Variants in STXBP6 observed in about 807,000 individuals in gnomAD.
STXBP6 encodes syntaxin binding protein 6, also known as syntaxin-binding protein 6.
A neutral mutation model predicts 26.9 loss-of-function variants in STXBP6; 21 were observed. That is an observed-to-expected ratio of 0.78 (90% CI 0.55 to 1.12). STXBP6 has a LOEUF of 1.12. STXBP6 is among the 50% of genes most tolerant of loss of function. The probability of loss-of-function intolerance (pLI) is 0.00; values close to 1 mark genes in which losing one functional copy is unlikely to be tolerated. For synonymous variants in STXBP6, 97 were observed against 92.6 expected (o/e 1.05, Z -0.27); for missense variants, 232 against 257.9 (o/e 0.90, Z 0.69).
At chr14:24,947,963 G>A (rs1279149453) in intron 2 of STXBP6, among the ~76,000 whole-genome samples, 1 of 152,158 alleles carries the variant, frequency 6.6e-6, no homozygotes, top group African/African-American at 2.4e-5. Flanking sequence ...ACTAGTGACT[G>A]ACAGTTTCTC....
intron 1 of STXBP6, among the ~76,000 whole-genome samples, chr14:25,034,874 G>T (rs202161813): frequency 6.6e-6 from 1 of 152,096 alleles, no homozygotes; most frequent in Non-Finnish European, 1.5e-5. Context: ...TTCTTGGCCG[G>T]GTGTGGTGGC....
At chr14:24,974,606 G>T (rs772004357) in intron 2 of STXBP6, 59 bp downstream of exon 2, 1 of 1,448,772 alleles carries the variant, frequency 6.9e-7, no homozygotes, top group Non-Finnish European at 9.3e-7. Flanking sequence ...GGATACCTCA[G>T]AATGAACTGT....
chr14:24,874,172 T>C (rs566453454), intron 2 of STXBP6, among the ~76,000 whole-genome samples: 58 of 152,290 alleles, frequency 3.8e-4, no homozygotes, highest in Admixed American at 8.5e-4. Flanking sequence ...TCCCTCTCTC[T>C]TCCTTTTGAG....
intron 2 of STXBP6, among the ~76,000 whole-genome samples, chr14:24,884,514 C>T (rs2139460668): frequency 1.3e-5 from 2 of 152,070 alleles, no homozygotes; most frequent in Admixed American, 1.3e-4. Context: ...AAGCAATAAA[C>T]AAACAAACAA....
intron 2 of STXBP6, among the ~76,000 whole-genome samples, chr14:24,920,364 A>G (rs2071935999): frequency 6.6e-6 from 1 of 152,064 alleles, no homozygotes; most frequent in Non-Finnish European, 1.5e-5. Flanking sequence ...ACAGTTTAAA[A>G]TATTTACTCA....
rs577313917 is a variant in STXBP6 at position 25,049,668 on chromosome 14, C to G, written c.-33+210G>C. 1 of 985,780 alleles carries G rather than the reference C, an allele frequency of 1.0e-6. No individual in the cohort carries two copies. The highest frequency in any genetic ancestry group is 4.7e-5 in the South Asian group (1 of 21,286). The allele number at this position is 985,780 out of a possible 1,614,324, so 61.1% of individuals were successfully genotyped here. A position where few individuals can be genotyped will look rare whatever the true frequency, so the allele number is the denominator to read the frequency against. On this transcript the variant is annotated intron_variant, in intron 1 of 5. Transcript: ENST00000323944. This position sits in a 1 kb window ranked among gnomAD's most constrained non-coding sequence, Gnocchi z 5.6. ...AGGGACACGAGTCCCTCTCTGCGCG[C>G]ACAAAGCAGCTGCGCCGGGGCGCGC...
chr14:24,907,185 G>A lies in STXBP6; in HGVS notation c.155-50028C>T, dbSNP rs76763769. Among the ~76,000 whole-genome samples the A allele has an allele frequency of 5.0e-3, 754 of 152,098 alleles. 9 individuals carry two copies. Among genetic ancestry groups the A allele is most frequent in the African/African-American group, 0.017 (716 of 41,498 alleles). On this transcript the variant is annotated intron_variant, in intron 2 of 5. Coordinates refer to ENST00000323944, the MANE Select transcript of STXBP6 (RefSeq NM_001394410.1). ...AAAAAATTTGTGATGTTCTCAACAC[G>A]AATAATAAATGCTGGAGGTGATGCA... is the stretch of plus-strand genomic sequence containing the variant.
chr14:24,944,185 C>T lies in STXBP6; in HGVS notation c.154+30480G>A, dbSNP rs187765345. Among the ~76,000 whole-genome samples the T allele has an allele frequency of 7.9e-5, 12 of 152,202 alleles. No homozygotes were observed. In the East Asian group the frequency reaches 1.5e-3, roughly 20 times the overall value. On this transcript the variant is annotated intron_variant, in intron 2 of 5. Coordinates refer to ENST00000323944, the MANE Select transcript of STXBP6 (RefSeq NM_001394410.1). ...CAATTCATTTTATCACATTCAAAGA[C>T]GGAGAAACAGTAAAGCTCGGAGGAA...
chr14:24,930,112 C>G (rs547973689), intron 2 of STXBP6, among the ~76,000 whole-genome samples: 1 of 152,196 alleles, frequency 6.6e-6, no homozygotes, highest in Non-Finnish European at 1.5e-5. Flanking sequence ...TAGCTTGCAA[C>G]GAATCCACTT....
At chr14:24,812,788 A>G in intron 5 of STXBP6, 56 bp from the exon 6 acceptor site, 1 of 1,558,238 alleles carries the variant, frequency 6.4e-7, no homozygotes. Context: ...ATTAGCAGAG[A>G]GATTTCACTG....
chr14:24,837,733 A>T (rs1169116704), intron 4 of STXBP6, among the ~76,000 whole-genome samples: 1 of 152,260 alleles, frequency 6.6e-6, no homozygotes, highest in African/African-American at 2.4e-5. Flanking sequence ...AATAGGGCAT[A>T]TAATACTACT....
At chr14:24,830,129 G>GA (rs1244160087) in intron 4 of STXBP6, among the ~76,000 whole-genome samples, 1 of 152,056 alleles carries the variant, frequency 6.6e-6, no homozygotes, top group Non-Finnish European at 1.5e-5. Context: ...ATAGAAGGGG[G>GA]AAAGTGGCTT....
chr14:24,856,595 C>T (rs997089770), intron 3 of STXBP6, among the ~76,000 whole-genome samples: 2 of 151,970 alleles, frequency 1.3e-5, no homozygotes, highest in Non-Finnish European at 2.9e-5. Flanking sequence ...AAATGTTTCT[C>T]CTATTAAAAG....
intron 1 of STXBP6, among the ~76,000 whole-genome samples, chr14:25,027,752 C>T (rs907696509): frequency 6.6e-6 from 1 of 152,176 alleles, no homozygotes. Context: ...GGCCTCTTGC[C>T]CCAAACAGCC....
At chr14:24,948,522 T>C (rs2073065175) in intron 2 of STXBP6, among the ~76,000 whole-genome samples, 1 of 152,182 alleles carries the variant, frequency 6.6e-6, no homozygotes, top group African/African-American at 2.4e-5. Flanking sequence ...GTTGATTTTC[T>C]GAGTTCAGAG....
intron 2 of STXBP6, among the ~76,000 whole-genome samples, chr14:24,876,631 G>C (rs1190886812): frequency 1.1e-4 from 17 of 152,182 alleles, no homozygotes; most frequent in Admixed American, 1.0e-3. Context: ...TCCTGAGAGA[G>C]AACACTGAGA....
chr14:25,039,918 A>G (rs181684568), intron 1 of STXBP6, among the ~76,000 whole-genome samples: 1 of 152,182 alleles, frequency 6.6e-6, no homozygotes, highest in East Asian at 1.9e-4. Context: ...CATGTTGGCC[A>G]GGCTGGTCTT....
intron 2 of STXBP6, among the ~76,000 whole-genome samples, chr14:24,899,814 A>G (rs1322980197): frequency 6.6e-6 from 1 of 150,574 alleles, no homozygotes; most frequent in Non-Finnish European, 1.5e-5. Context: ...AAAAAAAAAA[A>G]AAGAGTAACT....
At chr14:25,000,285 G>T (rs188480610) in intron 1 of STXBP6, among the ~76,000 whole-genome samples, 3 of 151,472 alleles carry the variant, frequency 2.0e-5, no homozygotes, top group Admixed American at 6.6e-5. Context: ...GGATGGTCTC[G>T]ATCTCCTGAC....
Sources: allele counts gnomAD v4.1 joint callset (sites outside exome capture counted in the v4.1 genomes callset), GRCh38; gene constraint gnomAD v4.1.1; non-coding constraint Gnocchi (gnomAD v3.1); transcripts MANE v1.5; gene names NCBI Gene and HGNC (gene_info 2026-07-23, HGNC 2026-07-21).